GLI3: variants seen among roughly 807,000 people sequenced by gnomAD.
GLI3 encodes GLI family zinc finger 3.
In GLI3, 20 loss-of-function variants were observed where a neutral mutation model predicts 100.8. The observed-to-expected ratio is 0.20, with a 90% CI of 0.14 to 0.29. The LOEUF is 0.29. Ranked by LOEUF, GLI3 falls within the 10% of genes least tolerant of loss-of-function variation. The probability of loss-of-function intolerance (pLI) is 1.00; values close to 1 mark genes in which losing one functional copy is unlikely to be tolerated. For synonymous variants in GLI3, 938 were observed against 860.5 expected, an observed-to-expected ratio of 1.09 and a Z score of -1.58; for missense variants, 2,040 against 2,128.5, an observed-to-expected ratio of 0.96 and a Z score of 0.82.
At chr7:42,164,210 C>T (rs1480289905) in intron 2 of GLI3, among the ~76,000 whole-genome samples, 1 of 152,110 alleles carries the variant, frequency 6.6e-6, no homozygotes, top group East Asian at 1.9e-4. Flanking sequence ...TGTATATTCC[C>T]GTGTTGAAAT....
chr7:42,071,819 T>C (rs1784789369), intron 4 of GLI3, among the ~76,000 whole-genome samples: 1 of 152,156 alleles, frequency 6.6e-6, no homozygotes, highest in African/African-American at 2.4e-5. Flanking sequence ...TCCAGTGCAC[T>C]CTGTCTCACA....
chr7:42,214,876 A>C (rs966307234), intron 2 of GLI3, among the ~76,000 whole-genome samples: 2 of 151,956 alleles, frequency 1.3e-5, no homozygotes, highest in African/African-American at 4.8e-5. Flanking sequence ...AAAAAAAAAA[A>C]AAAAAGATTC....
intron 2 of GLI3, among the ~76,000 whole-genome samples, chr7:42,213,546 T>C (rs1788312336): frequency 6.6e-6 from 1 of 152,168 alleles, no homozygotes; most frequent in Admixed American, 6.5e-5. Flanking sequence ...GACACTGTTA[T>C]GAAAGATGAT....
At chr7:42,115,933 G>A (rs1278482577) in intron 3 of GLI3, among the ~76,000 whole-genome samples, 1 of 152,086 alleles carries the variant, frequency 6.6e-6, no homozygotes, top group Non-Finnish European at 1.5e-5. Context: ...CCAAAATAGA[G>A]ATTGTTGTGG....
chr7:42,171,619 G>A (rs574468694), intron 2 of GLI3, among the ~76,000 whole-genome samples: 9 of 152,260 alleles, frequency 5.9e-5, no homozygotes, highest in East Asian at 3.9e-4. Flanking sequence ...CAGAAAATGC[G>A]GGGAGAAAAA....
intron 3 of GLI3, among the ~76,000 whole-genome samples, chr7:42,084,500 A>G (rs1583542736): frequency 6.6e-6 from 1 of 152,266 alleles, no homozygotes; most frequent in South Asian, 2.1e-4. Flanking sequence ...CTGACCAGCC[A>G]TATCCTTCCA....
chr7:42,232,791 C>T (rs979246335), intron 1 of GLI3, among the ~76,000 whole-genome samples: 1 of 152,130 alleles, frequency 6.6e-6, no homozygotes, highest in Admixed American at 6.5e-5. Flanking sequence ...CCAAAGCCAC[C>T]TTATTAACTA....
At chr7:42,093,684 A>T (rs1324241259) in intron 3 of GLI3, among the ~76,000 whole-genome samples, 2 of 152,118 alleles carry the variant, frequency 1.3e-5, no homozygotes, top group Non-Finnish European at 1.5e-5. Flanking sequence ...ACTATAAATC[A>T]CTCATGAAAT....
chr7:42,065,825 A>G (rs536261780), intron 4 of GLI3, among the ~76,000 whole-genome samples: 146 of 152,294 alleles, frequency 9.6e-4, no homozygotes, highest in Non-Finnish European at 1.8e-3. Flanking sequence ...ATTCACACTG[A>G]AAGAAAACCA....
At chr7:42,146,721 T>C (rs1786718406) in intron 3 of GLI3, among the ~76,000 whole-genome samples, 2 of 152,218 alleles carry the variant, frequency 1.3e-5, no homozygotes, top group Admixed American at 1.3e-4. Flanking sequence ...GTAGAAAGCA[T>C]GTAGGAGTCC....
intron 2 of GLI3, among the ~76,000 whole-genome samples, chr7:42,191,347 C>G (rs1312191551): frequency 6.6e-6 from 1 of 152,118 alleles, no homozygotes; most frequent in Non-Finnish European, 1.5e-5. Flanking sequence ...TGGTGGCTCT[C>G]GCCTATAATC....
intron 10 of GLI3, among the ~76,000 whole-genome samples, chr7:41,998,490 CTCACTTATATAATTTT>C (rs1322841193): frequency 6.6e-6 from 1 of 152,138 alleles, no homozygotes; most frequent in Non-Finnish European, 1.5e-5. Flanking sequence ...TTCCATGGCC[CTCACTTATATAATTTT>C]TCCCTTCTTA....
intron 3 of GLI3, among the ~76,000 whole-genome samples, chr7:42,105,936 C>T (rs536597659): frequency 6.6e-6 from 1 of 152,278 alleles, no homozygotes; most frequent in Non-Finnish European, 1.5e-5. Context: ...GGCCCAGACA[C>T]CCCACCAGGA....
chr7:42,106,601 T>C (rs552095534), intron 3 of GLI3, among the ~76,000 whole-genome samples: 107 of 152,330 alleles, frequency 7.0e-4, no homozygotes, highest in African/African-American at 2.5e-3. Context: ...TACATACTGG[T>C]TGGAAATCTA....
At chr7:42,101,596 ACT>A (rs1785462836) in intron 3 of GLI3, among the ~76,000 whole-genome samples, 1 of 149,510 alleles carries the variant, frequency 6.7e-6, no homozygotes, top group Non-Finnish European at 1.5e-5. Flanking sequence ...ACAAAGCAAG[ACT>A]CTGTCTCAAT....
intron 10 of GLI3, among the ~76,000 whole-genome samples, chr7:42,019,644 T>C (rs1033482228): frequency 5.9e-5 from 9 of 152,072 alleles, no homozygotes; most frequent in East Asian, 1.9e-4. Flanking sequence ...TTTTATAATA[T>C]AATGCTCAAC....
chr7:42,080,628 C>T (rs996682793), intron 3 of GLI3, among the ~76,000 whole-genome samples: 1 of 152,198 alleles, frequency 6.6e-6, no homozygotes, highest in Admixed American at 6.5e-5. Context: ...CAATTCAAGA[C>T]GTGCTTGACT....
At chr7:42,249,022 C>T (rs955643136) in intron 1 of GLI3, among the ~76,000 whole-genome samples, 6 of 152,122 alleles carry the variant, frequency 3.9e-5, no homozygotes, top group East Asian at 1.9e-4. Context: ...GGATTGATTA[C>T]AGGCATGAGC....
intron 11 of GLI3, 142 bp downstream of exon 11, chr7:41,978,457 G>A (rs1787568017): frequency 1.2e-6 from 1 of 812,142 alleles, no homozygotes; most frequent in Non-Finnish European, 2.2e-6. Context: ...CAAACACCGA[G>A]GCATTTATCA....
Sources: gnomAD v4.1 joint callset for allele counts (sites outside exome capture counted in the v4.1 genomes callset) on GRCh38, gnomAD v4.1.1 for gene constraint, MANE v1.5 for transcripts, NCBI Gene and HGNC (gene_info 2026-07-23, HGNC 2026-07-21) for gene names.